FRYL: variants seen among roughly 807,000 people sequenced by gnomAD.
FRYL encodes protein furry homolog-like.
FRYL carries 150 observed loss-of-function variants against 351.2 expected under a neutral mutation model. The ratio of observed to expected loss-of-function variants is 0.43; its 90% CI spans 0.37 to 0.49. The LOEUF (loss-of-function observed/expected upper bound fraction) is 0.49, where lower values mean the gene tolerates loss of function less well. FRYL is among the 20% of genes least tolerant of loss of function. The pLI is 0.00. For missense variants in FRYL, 3,036 were observed against 3,619.3 expected, an observed-to-expected ratio of 0.84 and a Z score of 4.13; for synonymous variants, 1,153 against 1,257.1, an observed-to-expected ratio of 0.92 and a Z score of 1.75.
intron 1 of FRYL, among the ~76,000 whole-genome samples, chr4:48,710,992 T>C (rs1395495384): frequency 6.6e-6 from 1 of 152,148 alleles, no homozygotes; most frequent in Non-Finnish European, 1.5e-5. Flanking sequence ...ATACCCACAA[T>C]GGAATATTAC....
rs1744422370 is a variant in FRYL at position 48,595,547 on chromosome 4, C to G, written c.1248+43G>C. The G allele has an allele frequency of 2.6e-6, 3 of 1,159,394 alleles. No individual in the cohort carries two copies. In the East Asian group the frequency reaches 7.5e-5, roughly 29 times the overall value. 71.8% of individuals were successfully genotyped at this position (1,159,394 alleles called of 1,614,324 possible). ...CTCCAAGTGATTACAATAGATTACT[C>G]TAACAATTTATATACATACATACTA... On this transcript the variant is annotated intron_variant, in intron 15 of 63. Transcript: ENST00000358350.
At chr4:48,686,842 A>G (rs1227608391) in intron 2 of FRYL, among the ~76,000 whole-genome samples, 1 of 152,226 alleles carries the variant, frequency 6.6e-6, no homozygotes, top group Non-Finnish European at 1.5e-5. Context: ...AGACTTCTCA[A>G]TATTTGAATA....
intron 1 of FRYL, among the ~76,000 whole-genome samples, chr4:48,723,586 C>T (rs1769729789): frequency 6.6e-6 from 1 of 152,112 alleles, no homozygotes; most frequent in South Asian, 2.1e-4. Context: ...CTTCACATCC[C>T]CACATCTAAT....
At chr4:48,713,236 CTTTA>C (rs759846054) in intron 1 of FRYL, among the ~76,000 whole-genome samples, 102 of 151,830 alleles carry the variant, frequency 6.7e-4, no homozygotes, top group Non-Finnish European at 1.2e-3. Flanking sequence ...ACACTATTAA[CTTTA>C]TTTGTTAATA....
chr4:48,693,828 C>T (rs896472921), intron 2 of FRYL, among the ~76,000 whole-genome samples: 4 of 152,120 alleles, frequency 2.6e-5, no homozygotes, highest in East Asian at 3.8e-4. Context: ...TACAAGAATA[C>T]AATTAGGCCT....
chr4:48,657,926 T>G (rs866039782), intron 3 of FRYL, among the ~76,000 whole-genome samples: 14 of 152,218 alleles, frequency 9.2e-5, no homozygotes, highest in Admixed American at 3.9e-4. Flanking sequence ...CCCTATTTCT[T>G]TTAATCACCT....
intron 13 of FRYL, among the ~76,000 whole-genome samples, chr4:48,598,401 C>A (rs2149239064): frequency 6.6e-6 from 1 of 152,256 alleles, no homozygotes; most frequent in East Asian, 1.9e-4. Flanking sequence ...CAAAACATCT[C>A]ATGTATCCCA....
chr4:48,713,080 C>G (rs1170287382), intron 1 of FRYL, among the ~76,000 whole-genome samples: 1 of 151,934 alleles, frequency 6.6e-6, no homozygotes, highest in Non-Finnish European at 1.5e-5. Flanking sequence ...CTGAAGGAAA[C>G]ACTAAACATG....
chr4:48,536,268 C>T (rs969750929), intron 47 of FRYL, among the ~76,000 whole-genome samples: 44 of 152,114 alleles, frequency 2.9e-4, no homozygotes, highest in African/African-American at 9.4e-4. Context: ...CAGCTGTGCC[C>T]GGGGTATCTC....
At chr4:48,618,553 C>T (rs1750011941) in intron 7 of FRYL, 1 of 147,668 alleles carries the variant, frequency 6.8e-6, no homozygotes, top group Admixed American at 6.8e-5. Context: ...ATGGATCATC[C>T]TTGAATGATA....
rs1560656948 is a variant in FRYL, at chr4:48,583,508, A to G, written c.1749-774T>C. On this transcript the variant is annotated intron_variant, in intron 19 of 63. Transcript: ENST00000358350. Reference sequence around the variant, plus strand: ...AGGATGGCTGATTGTGAAGAAGGATATACAACAAATGAAGATGGAATCAAT... The same window carrying G: ...AGGATGGCTGATTGTGAAGAAGGATGTACAACAAATGAAGATGGAATCAAT... 3.9e-5 allele frequency among the ~76,000 whole-genome samples: 6 copies of G among 152,280 alleles called. 1 individual carries two copies. Among genetic ancestry groups the G allele is most frequent in the African/African-American group, 1.4e-4 (6 of 41,560 alleles).
intron 1 of FRYL, among the ~76,000 whole-genome samples, chr4:48,758,215 A>C (rs1774005090): frequency 6.6e-6 from 1 of 152,098 alleles, no homozygotes; most frequent in African/African-American, 2.4e-5. Flanking sequence ...CAATGGCAAC[A>C]AAAGCCAAAA....
intron 33 of FRYL, among the ~76,000 whole-genome samples, chr4:48,560,448 T>C (rs1735219042): frequency 6.6e-6 from 1 of 152,012 alleles, no homozygotes. Flanking sequence ...AATGACAAGG[T>C]GGTGGGGGTG....
chr4:48,651,949 T>A (rs748325272), intron 3 of FRYL, among the ~76,000 whole-genome samples: 1 of 152,224 alleles, frequency 6.6e-6, no homozygotes, highest in Non-Finnish European at 1.5e-5. Context: ...ACCTATTACT[T>A]CAGAATGGTA....
At chr4:48,652,643 C>A (rs1379965422) in intron 3 of FRYL, among the ~76,000 whole-genome samples, 1 of 152,086 alleles carries the variant, frequency 6.6e-6, no homozygotes, top group African/African-American at 2.4e-5. Context: ...CATTTACAAA[C>A]CTCCTCAAAC....
At chr4:48,681,089 A>G in intron 3 of FRYL, 1 of 1,269,600 alleles carries the variant, frequency 7.9e-7, no homozygotes, top group Non-Finnish European at 1.0e-6. Context: ...ACATCTCCCG[A>G]AAGAATGGGA....
chr4:48,570,731 A>G, intron 27 of FRYL, 96 bp downstream of exon 27: 3 of 841,966 alleles, frequency 3.6e-6, no homozygotes, highest in Admixed American at 2.1e-5. Context: ...TCTTGTTGCA[A>G]TGGTGCTTTT....
chr4:48,741,405 T>A (rs1772048194), intron 1 of FRYL, among the ~76,000 whole-genome samples: 1 of 152,032 alleles, frequency 6.6e-6, no homozygotes, highest in Non-Finnish European at 1.5e-5. Flanking sequence ...CCAGGCTTGG[T>A]GGTACACGCC....
chr4:48,533,042 T>C (rs1220143383), intron 49 of FRYL, among the ~76,000 whole-genome samples: 1 of 152,110 alleles, frequency 6.6e-6, no homozygotes. Context: ...ACTGGACCCA[T>C]ATTCTAACAT....
Sources: gnomAD v4.1 joint callset for allele counts (sites outside exome capture counted in the v4.1 genomes callset) on GRCh38, gnomAD v4.1.1 for gene constraint, MANE v1.5 for transcripts, NCBI Gene and HGNC (gene_info 2026-07-23, HGNC 2026-07-21) for gene names.